SHISA6: variants seen among roughly 807,000 people sequenced by gnomAD.
SHISA6 encodes shisa family member 6.
In SHISA6, 22 loss-of-function variants were observed where a neutral mutation model predicts 47.9. That is an observed-to-expected ratio of 0.46 (90% CI 0.33 to 0.66). The LOEUF (loss-of-function observed/expected upper bound fraction) is 0.66, where lower values mean the gene tolerates loss of function less well. SHISA6 is among the 30% of genes least tolerant of loss of function. SHISA6 has a pLI of 0.02. For missense variants in SHISA6, 680 were observed against 764.6 expected, an observed-to-expected ratio of 0.89 and a Z score of 1.30; for synonymous variants, 388 against 337.8, an observed-to-expected ratio of 1.15 and a Z score of -1.63.
At chr17:11,390,430 C>A (rs1230919095) in intron 3 of SHISA6, among the ~76,000 whole-genome samples, 1 of 152,126 alleles carries the variant, frequency 6.6e-6, no homozygotes, top group African/African-American at 2.4e-5. Context: ...TAGAATCTTA[C>A]CCCTCAAAGG....
Position 11,558,061 on chromosome 17 carries a change from G to A in SHISA6, c.1413G>A (p.Leu471=), listed in dbSNP as rs2072000456. ...PERTAFPEQS[L]SRAISHTDVF... ...GGACGGCCTTTCCCGAGCAGTCGCT[G>A]TCCAGGGCCATCTCGCACACGGACG... The change falls in exon 6 of 6, where the codon CTG becomes CTA. Residue 471 remains leucine (L), a synonymous_variant. Coordinates refer to ENST00000441885, the MANE Select transcript of SHISA6 (RefSeq NM_207386.4). The A allele has an allele frequency of 1.3e-6, 2 of 1,551,544 alleles. No individual in the cohort carries two copies. Among genetic ancestry groups the A allele is most frequent in the Non-Finnish European group, 1.7e-6 (2 of 1,147,016 alleles).
Position 11,560,686 on chromosome 17 carries a change from G to T in SHISA6, c.*2382G>T, listed in dbSNP as rs2072034550. On this transcript the variant is annotated 3_prime_UTR_variant, in exon 6 of 6. Coordinates refer to ENST00000441885, the MANE Select transcript of SHISA6 (RefSeq NM_207386.4). Reference sequence around the variant, plus strand: ...AGCACCAAGTTCTCCAGCCCCCAGGGTGACACTTTTCCCCAGGGGTCCTCC... The same window carrying T: ...AGCACCAAGTTCTCCAGCCCCCAGGTTGACACTTTTCCCCAGGGGTCCTCC... The T allele has an allele frequency of 1.3e-5, 2 of 152,190 alleles. No homozygotes were observed. Among genetic ancestry groups the T allele is most frequent in the Admixed American group, 6.5e-5 (1 of 15,268 alleles). 9.4% of individuals were successfully genotyped at this position (152,190 alleles called of 1,614,324 possible). A position where few individuals can be genotyped will look rare whatever the true frequency, so the allele number is the denominator to read the frequency against.
At chr17:11,342,853 T>C (rs1396316436) in intron 2 of SHISA6, among the ~76,000 whole-genome samples, 2 of 152,190 alleles carry the variant, frequency 1.3e-5, no homozygotes, top group East Asian at 3.9e-4. Context: ...CCTTACCCAC[T>C]TCCTGTGGAT....
chr17:11,507,029 T>G (rs913364910), intron 3 of SHISA6, among the ~76,000 whole-genome samples: 1 of 152,220 alleles, frequency 6.6e-6, no homozygotes, highest in Non-Finnish European at 1.5e-5. Context: ...TGTGGAGGTT[T>G]AAGTCTTCAC....
rs1199477547 is a variant in SHISA6, at chr17:11,515,365, G to GAA, written c.896-36531_896-36530insAA. ...GGAAGGAAGGAAGGAAGGAAGGAAG[G>GAA]GAGAGAAAATGCTCCAAATAACCAC... On this transcript the variant is annotated intron_variant, in intron 3 of 5. Coordinates refer to ENST00000441885, the MANE Select transcript of SHISA6 (RefSeq NM_207386.4). Among the ~76,000 whole-genome samples, 575 of 145,428 alleles carry GAA rather than the reference G, an allele frequency of 4.0e-3. 9 individuals are homozygous for GAA. Among genetic ancestry groups the GAA allele is most frequent in the African/African-American group, 0.014 (545 of 39,610 alleles).
chr17:11,304,111 C>T (rs1049198800), intron 2 of SHISA6, among the ~76,000 whole-genome samples: 1 of 152,170 alleles, frequency 6.6e-6, no homozygotes, highest in Non-Finnish European at 1.5e-5. Context: ...GTAGTTTGCA[C>T]CTTTCCTGGT....
rs936371622 is a variant in SHISA6, at chr17:11,555,857, C to A, written c.1070C>A (p.Thr357Asn). 6.3e-5 allele frequency: 98 copies of A among 1,549,418 alleles called. No homozygotes were observed. The highest frequency in any genetic ancestry group is 8.4e-5 in the Non-Finnish European group (96 of 1,146,290). ...CCATCCTACGAGTCTGCAGTAAAGA[C>A]CAACCCCAGCAAGTATTCATCTCTG... is the stretch of plus-strand genomic sequence containing the variant. ...LPPSYESAVK[T>N]NPSKYSSLKR... The change falls in exon 5 of 6, where the codon ACC becomes AAC. Residue 357 changes from threonine to asparagine, a missense_variant. Coordinates refer to ENST00000441885, the MANE Select transcript of SHISA6 (RefSeq NM_207386.4).
At chr17:11,425,500 T>G (rs979874185) in intron 3 of SHISA6, among the ~76,000 whole-genome samples, 1 of 152,162 alleles carries the variant, frequency 6.6e-6, no homozygotes, top group African/African-American at 2.4e-5. Context: ...CTCCAATTTT[T>G]CAGATAGCCA....
intron 3 of SHISA6, among the ~76,000 whole-genome samples, chr17:11,531,384 A>T (rs1045282432): frequency 6.6e-6 from 1 of 152,064 alleles, no homozygotes; most frequent in African/African-American, 2.4e-5. Flanking sequence ...CAGGTTAGCT[A>T]CAGATGGGGG....
intron 1 of SHISA6, among the ~76,000 whole-genome samples, chr17:11,251,122 T>C (rs4792113): frequency 0.78 from 118,454 of 151,962 alleles, 49,522 homozygotes; most frequent in South Asian, 0.92. Context: ...AGTAGAACAG[T>C]TGGGTCTCAC....
Position 11,379,524 on chromosome 17 carries a change from A to AT in SHISA6, c.895+21dup. 1 of 1,509,406 alleles carries AT rather than the reference A, an allele frequency of 6.6e-7. No homozygotes were observed. 93.5% of individuals were successfully genotyped at this position (1,509,406 alleles called of 1,614,324 possible). On this transcript the variant is annotated intron_variant, in intron 3 of 5. Coordinates refer to ENST00000441885, the MANE Select transcript of SHISA6 (RefSeq NM_207386.4). ...ACACACCAAGGGTACAGTGGAAACC[A>AT]TTTTTTACTAAAATACAGAGGTTGC...
At chr17:11,445,930 C>T (rs1173346553) in intron 3 of SHISA6, among the ~76,000 whole-genome samples, 6 of 152,192 alleles carry the variant, frequency 3.9e-5, no homozygotes, top group African/African-American at 7.2e-5. Flanking sequence ...TGGGTTCAAG[C>T]GATTCTCCTG....
chr17:11,512,382 G>C (rs915034472), intron 3 of SHISA6, among the ~76,000 whole-genome samples: 2 of 152,142 alleles, frequency 1.3e-5, no homozygotes, highest in Non-Finnish European at 2.9e-5. Context: ...TAATTAATCT[G>C]TTCAACTCAC....
intron 3 of SHISA6, among the ~76,000 whole-genome samples, chr17:11,496,553 C>T (rs1034308989): frequency 6.6e-6 from 1 of 152,016 alleles, no homozygotes; most frequent in African/African-American, 2.4e-5. Flanking sequence ...GCCTGGCCAA[C>T]ATGGTGAAAC....
At chr17:11,322,157 T>C (rs1379167070) in intron 2 of SHISA6, among the ~76,000 whole-genome samples, 3 of 152,230 alleles carry the variant, frequency 2.0e-5, no homozygotes, top group Non-Finnish European at 2.9e-5. Context: ...ATCCTACTTA[T>C]ATCCCTTCCA....
At chr17:11,272,428 C>G (rs946255176) in intron 2 of SHISA6, among the ~76,000 whole-genome samples, 1 of 152,178 alleles carries the variant, frequency 6.6e-6, no homozygotes, top group African/African-American at 2.4e-5. Flanking sequence ...TCCGTCCTTG[C>G]AGAGAGGCAG....
chr17:11,533,475 T>C (rs1323316303), intron 3 of SHISA6, among the ~76,000 whole-genome samples: 1 of 152,134 alleles, frequency 6.6e-6, no homozygotes, highest in Non-Finnish European at 1.5e-5. Flanking sequence ...TCTTGGCCTT[T>C]CTTTCTGTGA....
At chr17:11,325,433 C>G (rs755466562) in intron 2 of SHISA6, among the ~76,000 whole-genome samples, 1 of 152,234 alleles carries the variant, frequency 6.6e-6, no homozygotes, top group Non-Finnish European at 1.5e-5. Flanking sequence ...ATGGCCATCT[C>G]CTTGTCCAGC....
intron 3 of SHISA6, among the ~76,000 whole-genome samples, chr17:11,386,595 T>G (rs1913201514): frequency 6.6e-6 from 1 of 152,158 alleles, no homozygotes; most frequent in South Asian, 2.1e-4. Flanking sequence ...AGTCCATTTA[T>G]CTGCAGATAG....
Sources: gnomAD v4.1 joint callset for allele counts (sites outside exome capture counted in the v4.1 genomes callset) on GRCh38, gnomAD v4.1.1 for gene constraint, MANE v1.5 for transcripts, NCBI Gene and HGNC (gene_info 2026-07-23, HGNC 2026-07-21) for gene names.